The following ZNF567 variants were observed in gnomAD, a reference collection of about 807,000 sequenced individuals.
ZNF567 encodes the protein zinc finger protein 567.
Under a neutral mutation model 53.9 loss-of-function variants are expected in ZNF567, and 36 were observed. That is an observed-to-expected ratio of 0.67 (90% CI 0.51 to 0.88). ZNF567 has a LOEUF of 0.88. ZNF567 is among the 40% of genes least tolerant of loss of function. ZNF567 has a pLI of 0.00. For synonymous variants in ZNF567, 224 were observed against 260.4 expected, an observed-to-expected ratio of 0.86 and a Z score of 1.35; for missense variants, 619 against 764.7, an observed-to-expected ratio of 0.81 and a Z score of 2.25.
intron 3 of ZNF567, among the ~76,000 whole-genome samples, chr19:36,709,817 T>C (rs66717711): frequency 0.3 from 46,174 of 152,156 alleles, 7,505 homozygotes; most frequent in East Asian, 0.58. Context: ...CTAGGTTTTA[T>C]CTGAAAATAT....
At chr19:36,687,107 C>T (rs903552556), upstream of ZNF567, among the ~76,000 whole-genome samples, 13 of 151,852 alleles carry the variant, frequency 8.6e-5, no homozygotes, top group Non-Finnish European at 1.5e-4. Context: ...TTACCCGTTA[C>T]ACACACAACA....
At chr19:36,698,921 T>G (rs2039032783) in intron 3 of ZNF567, among the ~76,000 whole-genome samples, 1 of 152,210 alleles carries the variant, frequency 6.6e-6, no homozygotes. Context: ...AGCTCTTTAG[T>G]TTAATTAGAT....
At chr19:36,702,851 T>C (rs1182479813) in intron 3 of ZNF567, among the ~76,000 whole-genome samples, 2 of 152,240 alleles carry the variant, frequency 1.3e-5, no homozygotes, top group Non-Finnish European at 2.9e-5. Flanking sequence ...AGTTTTCAAC[T>C]TCTTTGCCTT....
chr19:36,688,504 A>T (rs1041656244), intron 1 of ZNF567, among the ~76,000 whole-genome samples: 3 of 151,756 alleles, frequency 2.0e-5, no homozygotes, highest in Non-Finnish European at 4.4e-5. Context: ...TAATTTTCAG[A>T]GGGTAAGATT....
At chr19:36,675,412 C>T in the ZNF567 span, among the ~76,000 whole-genome samples, 3 of 152,068 alleles carry the variant, frequency 2.0e-5, no homozygotes, top group Admixed American at 6.6e-5. Context: ...CAGTGGCTCA[C>T]GCTTGTAATC....
intron 5 of ZNF567, among the ~76,000 whole-genome samples, chr19:36,716,930 A>C (rs1432373266): frequency 1.3e-5 from 2 of 152,080 alleles, no homozygotes; most frequent in Admixed American, 1.3e-4. Context: ...GGTTCAAGTA[A>C]TGCTCCTGAC....
intron 2 of ZNF567, among the ~76,000 whole-genome samples, chr19:36,691,631 C>T (rs1207582815): frequency 6.6e-6 from 1 of 152,108 alleles, no homozygotes; most frequent in Admixed American, 6.5e-5. Flanking sequence ...AAAACAAAAA[C>T]AGAACACTTC....
chr19:36,719,000 G>A lies in ZNF567; in HGVS notation c.276G>A (p.Glu92=), dbSNP rs762894925. Residue 92 remains glutamate (E), a synonymous_variant, in exon 6 of 6, where the codon GAG becomes GAA. Coordinates refer to ENST00000682579, the MANE Select transcript of ZNF567 (RefSeq NM_001322917.1). ...DFLVKFKEHQ[E]KYSRSVVSIN... is the part of the protein sequence containing the mutation. ...TAGTGAAATTCAAGGAACACCAAGAGAAGTATTCTAGATCAGTTGTAAGCA... is the reference window on the plus strand; with the variant it reads ...TAGTGAAATTCAAGGAACACCAAGAAAAGTATTCTAGATCAGTTGTAAGCA... 85 of 1,587,632 alleles carry A rather than the reference G, an allele frequency of 5.4e-5. No individual in the cohort carries two copies. In the Middle Eastern group the frequency reaches 1.9e-3, roughly 35 times the overall value.
chr19:36,682,252 C>G, the ZNF567 span, among the ~76,000 whole-genome samples: 88 of 137,236 alleles, frequency 6.4e-4, no homozygotes, highest in Middle Eastern at 4.2e-3. Context: ...CACTGTCACT[C>G]TAGCCTGGAG....
At chr19:36,714,898 T>G (rs954816088) in intron 5 of ZNF567, among the ~76,000 whole-genome samples, 1 of 152,214 alleles carries the variant, frequency 6.6e-6, no homozygotes, top group Non-Finnish European at 1.5e-5. Flanking sequence ...ATGTTTATTG[T>G]TTCACTTAAC....
At chr19:36,673,691 G>GACAC in the ZNF567 span, among the ~76,000 whole-genome samples, 181 of 151,706 alleles carry the variant, frequency 1.2e-3, 1 homozygote, top group African/African-American at 3.8e-3. Context: ...CACAGACACA[G>GACAC]ACACAGACAC....
chr19:36,705,146 G>A (rs2039426576), intron 3 of ZNF567, among the ~76,000 whole-genome samples: 1 of 152,028 alleles, frequency 6.6e-6, no homozygotes, highest in African/African-American at 2.4e-5. Context: ...AAGTACCACA[G>A]CAGCTTTTAG....
At chr19:36,688,181 T>C (rs981914872) in intron 1 of ZNF567, among the ~76,000 whole-genome samples, 21 of 152,262 alleles carry the variant, frequency 1.4e-4, no homozygotes, top group Non-Finnish European at 8.8e-5. Context: ...TTGTTACTTT[T>C]TGTAGAAGTT....
At chr19:36,704,605 A>T (rs2039396645) in intron 3 of ZNF567, among the ~76,000 whole-genome samples, 1 of 152,096 alleles carries the variant, frequency 6.6e-6, no homozygotes, top group Admixed American at 6.5e-5. Context: ...TGTTTTATAT[A>T]TTAAATATGA....
intron 3 of ZNF567, among the ~76,000 whole-genome samples, chr19:36,695,603 G>A (rs2038845331): frequency 6.6e-6 from 1 of 151,982 alleles, no homozygotes; most frequent in Non-Finnish European, 1.5e-5. Flanking sequence ...GGAGGTTTAG[G>A]TGGGAGGATG....
At chr19:36,703,093 A>G (rs2039296328) in intron 3 of ZNF567, among the ~76,000 whole-genome samples, 1 of 151,978 alleles carries the variant, frequency 6.6e-6, no homozygotes, top group Admixed American at 6.6e-5. Flanking sequence ...TGATGTACAG[A>G]TGGGTTTTTG....
intron 3 of ZNF567, among the ~76,000 whole-genome samples, chr19:36,707,141 A>G (rs957653866): frequency 6.6e-5 from 10 of 151,042 alleles, no homozygotes; most frequent in African/African-American, 2.4e-4. Context: ...ATTTTTTCCA[A>G]TTATGTTTTC....
At chr19:36,726,982 T>TTCTCTTTCTTTC (rs375360156), downstream of ZNF567, 1 of 55,390 alleles carries the variant, frequency 1.8e-5, no homozygotes, top group African/African-American at 6.9e-5. Context: ...CTTTCTTTCT[T>TTCTCTTTCTTTC]TTTCTTTCTT....
At chr19:36,669,117 C>T in the ZNF567 span, 7 of 152,144 alleles carry the variant, frequency 4.6e-5, no homozygotes, top group Admixed American at 1.3e-4. Flanking sequence ...GGAGGATTTC[C>T]ATAGATTATA....
Sources: allele counts gnomAD v4.1 joint callset (sites outside exome capture counted in the v4.1 genomes callset), GRCh38; gene constraint gnomAD v4.1.1; transcripts MANE v1.5; gene names NCBI Gene and HGNC (gene_info 2026-07-23, HGNC 2026-07-21).